Variants in PRELID2 observed in about 807,000 individuals in gnomAD.
PRELID2 encodes the protein PRELI domain-containing protein 2.
Under a neutral mutation model 28.4 loss-of-function variants are expected in PRELID2, and 25 were observed. That is an observed-to-expected ratio of 0.88 (90% confidence interval 0.64 to 1.23). PRELID2 has a LOEUF of 1.23. PRELID2 is among the 50% of genes most tolerant of loss of function. PRELID2 has a pLI of 0.00. For missense variants in PRELID2, 201 were observed against 214.4 expected, an observed-to-expected ratio of 0.94 and a Z score of 0.39; for synonymous variants, 76 against 71.6, an observed-to-expected ratio of 1.06 and a Z score of -0.31.
the PRELID2 span, among the ~76,000 whole-genome samples, chr5:145,400,076 T>C: frequency 5.7e-4 from 86 of 152,212 alleles, 3 homozygotes; most frequent in East Asian, 0.016. Context: ...TAATACTGGG[T>C]TTCTGGACCT....
At position 145,802,245 on chromosome 5, in the gene PRELID2, G is replaced by A. The variant is rs150439672; in HGVS notation, c.369-5698C>T. On this transcript the variant is annotated intron_variant, in intron 4 of 6. Coordinates refer to ENST00000683046, the MANE Select transcript of PRELID2 (RefSeq NM_205846.3). ...GTTTATGGCTGTTATCAACAGTGCTGTTATGAAAATGCTTATAATGTAACC... is the reference window on the plus strand; with the variant it reads ...GTTTATGGCTGTTATCAACAGTGCTATTATGAAAATGCTTATAATGTAACC... Among the ~76,000 whole-genome samples, 380 of 152,316 alleles carry A rather than the reference G, an allele frequency of 2.5e-3. 3 individuals are homozygous for A. Among genetic ancestry groups the A allele is most frequent in the South Asian group, 9.5e-3 (46 of 4,830 alleles).
At chr5:145,672,361 C>T (rs1754724365) in intron 1 of PRELID2, among the ~76,000 whole-genome samples, 1 of 152,112 alleles carries the variant, frequency 6.6e-6, no homozygotes, top group African/African-American at 2.4e-5. Flanking sequence ...TTCACCCTTC[C>T]TCCATCTTGG....
the PRELID2 span, among the ~76,000 whole-genome samples, chr5:145,447,470 C>CTTTT: frequency 2.2e-5 from 3 of 134,670 alleles, no homozygotes; most frequent in Non-Finnish European, 3.2e-5. Flanking sequence ...CTGAAATTTT[C>CTTTT]TTTTTTTTTT....
the PRELID2 span, among the ~76,000 whole-genome samples, chr5:145,422,938 C>A: frequency 6.6e-6 from 1 of 151,394 alleles, no homozygotes; most frequent in African/African-American, 2.4e-5. Flanking sequence ...CTGGTGGTGA[C>A]AAAATCTCTC....
chr5:145,583,756 G>A (rs547753799), intron 1 of PRELID2, among the ~76,000 whole-genome samples: 231 of 152,134 alleles, frequency 1.5e-3, no homozygotes, highest in African/African-American at 4.0e-3. Flanking sequence ...TCTCTTCAAG[G>A]AGAACACAAA....
At chr5:145,411,762 A>G in the PRELID2 span, among the ~76,000 whole-genome samples, 1 of 152,180 alleles carries the variant, frequency 6.6e-6, no homozygotes, top group African/African-American at 2.4e-5. Flanking sequence ...GAGGTTCTCC[A>G]TGAGGGCTCC....
chr5:145,784,799 T>A lies in PRELID2; in HGVS notation c.474+11643A>T, dbSNP rs1048050921. On this transcript the variant is annotated intron_variant, in intron 5 of 6. Coordinates refer to ENST00000683046, the MANE Select transcript of PRELID2 (RefSeq NM_205846.3). ...AATCCCAACTTTGTTTTTTTTTTTT[T>A]TAAAAAAACATACATATACATACAT... Among the ~76,000 whole-genome samples, 557 of 150,038 alleles carry A rather than the reference T, an allele frequency of 3.7e-3. 1 individual carries two copies. The highest frequency in any genetic ancestry group is 0.013 in the African/African-American group (535 of 40,260).
chr5:145,680,426 T>C (rs1754909784), intron 1 of PRELID2, among the ~76,000 whole-genome samples: 2 of 152,198 alleles, frequency 1.3e-5, no homozygotes, highest in African/African-American at 2.4e-5. Flanking sequence ...CCACAGCTGA[T>C]TGGACCCAGC....
At position 145,835,101 on chromosome 5, in the gene PRELID2, G is replaced by A. The variant is rs569299133; in HGVS notation, c.75+76C>T. 8 of 1,017,712 alleles carry A rather than the reference G, an allele frequency of 7.9e-6. No homozygotes were observed. The South Asian group carries it at 8.6e-5, about 11-fold the overall frequency. 63.0% of individuals were successfully genotyped at this position (1,017,712 alleles called of 1,614,324 possible). ...AGAGACACTGGCGGTGCCAGCTTCC[G>A]CGTGGATGAAGGAGAGGAGAGAGGG... On this transcript the variant is annotated intron_variant, in intron 1 of 6. Coordinates refer to ENST00000683046, the MANE Select transcript of PRELID2 (RefSeq NM_205846.3).
the PRELID2 span, among the ~76,000 whole-genome samples, chr5:145,440,488 T>C: frequency 2.6e-5 from 4 of 152,158 alleles, no homozygotes; most frequent in Non-Finnish European, 2.9e-5. Context: ...TTGATTTATA[T>C]GTGTTTTGTT....
At chr5:145,733,282 T>C (rs549537352) in intron 1 of PRELID2, among the ~76,000 whole-genome samples, 220 of 151,936 alleles carry the variant, frequency 1.4e-3, no homozygotes, top group African/African-American at 5.2e-3. Context: ...AAAATCTCAA[T>C]GAAATCCAAG....
intron 1 of PRELID2, among the ~76,000 whole-genome samples, chr5:145,553,317 A>C (rs989383218): frequency 1.6e-4 from 25 of 152,108 alleles, no homozygotes; most frequent in African/African-American, 5.8e-4. Context: ...CAAGCCACAC[A>C]GGTAGCATGA....
At chr5:145,501,716 T>A (rs966017300) in intron 1 of PRELID2, among the ~76,000 whole-genome samples, 1 of 152,146 alleles carries the variant, frequency 6.6e-6, no homozygotes, top group Non-Finnish European at 1.5e-5. Context: ...GTCTCGGTTA[T>A]GTATCAGCAG....
At chr5:145,536,154 T>C (rs1490719499) in intron 1 of PRELID2, among the ~76,000 whole-genome samples, 1 of 151,908 alleles carries the variant, frequency 6.6e-6, no homozygotes, top group Non-Finnish European at 1.5e-5. Context: ...CATTACTCTG[T>C]TAAGGGAGGC....
At chr5:145,659,872 T>C (rs1438453637) in intron 1 of PRELID2, among the ~76,000 whole-genome samples, 1 of 152,138 alleles carries the variant, frequency 6.6e-6, no homozygotes, top group Non-Finnish European at 1.5e-5. Flanking sequence ...TATTTAGCAT[T>C]GAAATATGGT....
chr5:145,693,629 C>T (rs1755195073), intron 1 of PRELID2, among the ~76,000 whole-genome samples: 1 of 151,976 alleles, frequency 6.6e-6, no homozygotes, highest in Non-Finnish European at 1.5e-5. Flanking sequence ...AAAAATTAGC[C>T]AGGCCATGGT....
At chr5:145,350,472 C>T in the PRELID2 span, among the ~76,000 whole-genome samples, 1 of 152,120 alleles carries the variant, frequency 6.6e-6, no homozygotes, top group African/African-American at 2.4e-5. Context: ...AGGAAGATAG[C>T]TAGCCTGTAG....
chr5:145,305,545 G>T, the PRELID2 span, among the ~76,000 whole-genome samples: 1 of 152,078 alleles, frequency 6.6e-6, no homozygotes. Context: ...GTCACTTGAG[G>T]GCAGGCCATG....
At chr5:145,488,671 C>G (rs750637649) in intron 1 of PRELID2, among the ~76,000 whole-genome samples, 1 of 152,152 alleles carries the variant, frequency 6.6e-6, no homozygotes, top group Non-Finnish European at 1.5e-5. Flanking sequence ...TATTTATGCA[C>G]ATTGTGTAAT....
Sources: gnomAD v4.1 joint callset for allele counts (sites outside exome capture counted in the v4.1 genomes callset) on GRCh38, gnomAD v4.1.1 for gene constraint, MANE v1.5 for transcripts, NCBI Gene and HGNC (gene_info 2026-07-23, HGNC 2026-07-21) for gene names.